STK25: variants seen among roughly 807,000 people sequenced by gnomAD.
STK25 encodes the protein serine/threonine kinase 25, also known as serine/threonine-protein kinase 25.
A neutral mutation model predicts 53.8 loss-of-function variants in STK25; 29 were observed. That is an observed-to-expected ratio of 0.54 (90% CI 0.40 to 0.74). The LOEUF is 0.74. Among genes scored for constraint, STK25 ranks in the 30% least tolerant of loss-of-function variants. The pLI, the probability that STK25 is intolerant of heterozygous loss-of-function variation, is 0.00. For missense variants in STK25, 420 were observed against 568.0 expected (o/e 0.74, Z 2.65); for synonymous variants, 247 against 238.3 (o/e 1.04, Z -0.33).
At position 241,499,276 on chromosome 2, in the gene STK25, T is replaced by C; in HGVS notation, c.566A>G (p.Gln189Arg). ...PFWMAPEVIK[Q>R]SAYDFKADIW... ...ACCCACCTTGAAGTCGTAGGCCGAC[T>C]GCTTGATGACCTCAGGTGCCATCCA... Residue 189 changes from glutamine (Q) to arginine (R), a missense_variant, in exon 6 of 12, where the codon CAG (glutamine) becomes CGG (arginine). Physicochemically the swap from Gln to Arg is conservative, Grantham distance 43. Transcript: ENST00000316586. 1 of 1,614,012 alleles carries C rather than the reference T, an allele frequency of 6.2e-7. No individual in the cohort carries two copies. The highest frequency in any genetic ancestry group is 8.5e-7 in the Non-Finnish European group (1 of 1,179,984).
intron 10 of STK25, chr2:241,497,348 T>G (rs2065235649): frequency 2.3e-6 from 1 of 432,494 alleles, no homozygotes; most frequent in Non-Finnish European, 4.2e-6. Flanking sequence ...CTTCTCTGCT[T>G]TCTCTATAGA....
At chr2:241,499,214 G>A (rs202068740) in intron 6 of STK25, 40 bp from the exon 7 acceptor site, 29 of 1,613,728 alleles carry the variant, frequency 1.8e-5, no homozygotes, top group Admixed American at 5.0e-5. Context: ...CTGAGCACCC[G>A]AGCCAGGCAT....
At position 241,499,425 on chromosome 2, in the gene STK25, C is replaced by CGGTGG; in HGVS notation, c.428-12_428-11insCCACC. On this transcript the variant is annotated splice_polypyrimidine_tract_variant and intron_variant, in intron 5 of 11. Coordinates refer to ENST00000316586, the MANE Select transcript of STK25 (RefSeq NM_001271977.2). ...GTAGCACGTTGGCAGCTGCTTGACA[C>CGGTGG]AGGACAGGCAGGCGTCATCCCAGGC... 6.2e-7 allele frequency: 1 copy of CGGTGG among 1,611,468 alleles called. No individual in the cohort carries two copies. The highest frequency in any genetic ancestry group is 8.5e-7 in the Non-Finnish European group (1 of 1,178,640).
Position 241,496,706 on chromosome 2 carries a change from C to T in STK25, c.1105-172G>A, listed in dbSNP as rs368919817. ...GAGGTGGCCCAAGGAAGCCTCTGCCCCTGCCCTGCCAACGGGGACCCTAGT... is the reference window on the plus strand; with the variant it reads ...GAGGTGGCCCAAGGAAGCCTCTGCCTCTGCCCTGCCAACGGGGACCCTAGT... On this transcript the variant is annotated intron_variant, in intron 10 of 11. Transcript: ENST00000316586. This position sits in a 1 kb window ranked among gnomAD's most constrained non-coding sequence, Gnocchi z 5.8. Among the ~76,000 whole-genome samples the T allele has an allele frequency of 1.2e-4, 18 of 152,078 alleles. No individual in the cohort carries two copies. Among genetic ancestry groups the T allele is most frequent in the Admixed American group, 7.2e-4 (11 of 15,272 alleles).
chr2:241,495,726 G>A (rs779180860), intron 11 of STK25, 25 bp from the exon 12 acceptor site: 12 of 1,613,808 alleles, frequency 7.4e-6, no homozygotes, highest in Non-Finnish European at 9.3e-6. Flanking sequence ...GCCCACTGCT[G>A]CGTGCGTGCA....
intron 6 of STK25, 24 bp downstream of exon 6, chr2:241,499,233 C>T (rs374816717): frequency 3.7e-5 from 59 of 1,613,826 alleles, no homozygotes; most frequent in Non-Finnish European, 5.0e-5. Flanking sequence ...ATGGTGCCCG[C>T]ACCTGCCCGC....
intron 7 of STK25, 36 bp from the exon 8 acceptor site, chr2:241,498,820 C>CA: frequency 1.2e-6 from 2 of 1,612,418 alleles, no homozygotes; most frequent in Non-Finnish European, 1.7e-6. Context: ...TCACTGGGCC[C>CA]AGCCAAGCTC....
Position 241,508,575 on chromosome 2 carries a change from C to G in STK25, c.-233G>C. ...AAGCAACGGTGGTGGCGGCAGCGAC[C>G]GGAGAAAGCCCGGAGGCGACGGCGA... is the stretch of plus-strand genomic sequence containing the variant. On this transcript the variant is annotated 5_prime_UTR_variant, in exon 1 of 12. Coordinates refer to ENST00000316586, the MANE Select transcript of STK25 (RefSeq NM_001271977.2). The G allele has an allele frequency of 4.0e-6, 4 of 990,816 alleles. No homozygotes were observed. The highest frequency in any genetic ancestry group is 4.8e-6 in the Non-Finnish European group (4 of 833,124). The allele number at this position is 990,816 out of a possible 1,614,324, so 61.4% of individuals were successfully genotyped here.
Position 241,503,878 on chromosome 2 carries a change from T to C in STK25, c.31-2170A>G, listed in dbSNP as rs34858765. Among the ~76,000 whole-genome samples the C allele has an allele frequency of 3.3e-3, 507 of 152,024 alleles. 1 individual carries two copies. The highest frequency in any genetic ancestry group is 0.012 in the African/African-American group (492 of 41,448). ...CACACTCACCCCCTGGACACCTGTG[T>C]GCTGGGTCCACCCCAGGCCTAAGCC... On this transcript the variant is annotated intron_variant, in intron 2 of 11. Coordinates refer to ENST00000316586, the MANE Select transcript of STK25 (RefSeq NM_001271977.2).
chr2:241,500,661 G>A lies in STK25; in HGVS notation c.318+79C>T, dbSNP rs2065454165. ...CGTGCCATGACACCAAACGAGAGGT[G>A]GCCCCTGGAGCCCATGAGTCTGAGG... On this transcript the variant is annotated intron_variant, in intron 4 of 11. Coordinates refer to ENST00000316586, the MANE Select transcript of STK25 (RefSeq NM_001271977.2). 3.0e-5 allele frequency: 43 copies of A among 1,411,894 alleles called. No homozygotes were observed. In the South Asian group the frequency reaches 5.0e-4, roughly 16 times the overall value. The allele number at this position is 1,411,894 out of a possible 1,614,324, so 87.5% of individuals were successfully genotyped here.
At chr2:241,508,382 G>T in intron 1 of STK25, 61 bp downstream of exon 1, 1 of 446,046 alleles carries the variant, frequency 2.2e-6, no homozygotes, top group Non-Finnish European at 3.2e-6. Context: ...GCCCCGCCCC[G>T]GGCCCCTCCC....
rs1344174430 is a variant in STK25 at position 241,493,016 on chromosome 2, T to G, written c.*2646A>C. On this transcript the variant is annotated 3_prime_UTR_variant, in exon 12 of 12. Transcript: ENST00000316586. ...GGTCGTCTTTACCAACTTCTGTTTGTTCTTCTACAAAACTCATCAGGTACT... is the reference window on the plus strand; with the variant it reads ...GGTCGTCTTTACCAACTTCTGTTTGGTCTTCTACAAAACTCATCAGGTACT... 2 of 1,603,906 alleles carry G rather than the reference T, an allele frequency of 1.2e-6. No homozygotes were observed. The highest frequency in any genetic ancestry group is 4.5e-5 in the East Asian group (2 of 44,868).
At chr2:241,506,053 T>C (rs1181167731) in intron 2 of STK25, among the ~76,000 whole-genome samples, 1 of 152,222 alleles carries the variant, frequency 6.6e-6, no homozygotes, top group Admixed American at 6.5e-5. Flanking sequence ...TGAGTGGTGA[T>C]ACAGTGCTCT....
chr2:241,498,706 T>C lies in STK25; in HGVS notation c.850A>G (p.Ile284Val). The C allele has an allele frequency of 5.6e-6, 9 of 1,614,106 alleles. No homozygotes were observed. The highest frequency in any genetic ancestry group is 7.6e-6 in the Non-Finnish European group (9 of 1,179,998). Residue 284 changes from isoleucine (I) to valine (V), a missense_variant, in exon 8 of 12, where the codon ATC becomes GTC. Ile to Val is a conservative substitution (Grantham distance 29). Coordinates refer to ENST00000316586, the MANE Select transcript of STK25 (RefSeq NM_001271977.2). ...TKKTSFLTEL[I>V]DRYKRWKSEG... Reference sequence around the variant, plus strand: ...GACTTCCAGCGCTTATAGCGGTCGATGAGCTCCGTGAGGAAGGAGGTCTTC... The same window carrying C: ...GACTTCCAGCGCTTATAGCGGTCGACGAGCTCCGTGAGGAAGGAGGTCTTC...
In STK25 at chr2:241,501,806, G is replaced by T; in HGVS notation, c.31-98C>A. 1.2e-6 allele frequency: 1 copy of T among 817,466 alleles called. No homozygotes were observed. 50.6% of individuals were successfully genotyped at this position (817,466 alleles called of 1,614,324 possible). On this transcript the variant is annotated intron_variant, in intron 2 of 11. Coordinates refer to ENST00000316586, the MANE Select transcript of STK25 (RefSeq NM_001271977.2). The surrounding 1 kb of genome is among the most constrained non-coding windows in gnomAD (Gnocchi z 5.3). ...CTGCTGGGGAGGAAGGGACCTGTAGGGAAGGGGGAGTCCAAGGGAGCGCAC... is the reference window on the plus strand; with the variant it reads ...CTGCTGGGGAGGAAGGGACCTGTAGTGAAGGGGGAGTCCAAGGGAGCGCAC...
intron 9 of STK25, among the ~76,000 whole-genome samples, 162 bp from the exon 10 acceptor site, chr2:241,497,849 G>GCCTGACTCTGAGGGCGACTCCCACCCTCT (rs1382441289): frequency 2.0e-5 from 3 of 151,894 alleles, no homozygotes; most frequent in African/African-American, 4.8e-5. Flanking sequence ...CACCCGGATG[G>GCCTGACTCTGAGGGCGACTCCCACCCTCT]CCTGACTCTG....
rs957038631 is a variant in STK25 at position 241,494,264 on chromosome 2, C to T, written c.*1398G>A. ...CACTGGCACCAGCAGTGTGGGTGGGCCTCATGTAACATCTGGGAGGGGCTT... is the reference window on the plus strand; with the variant it reads ...CACTGGCACCAGCAGTGTGGGTGGGTCTCATGTAACATCTGGGAGGGGCTT... On this transcript the variant is annotated 3_prime_UTR_variant, in exon 12 of 12. Coordinates refer to ENST00000316586, the MANE Select transcript of STK25 (RefSeq NM_001271977.2). This position sits in a 1 kb window ranked among gnomAD's most constrained non-coding sequence, Gnocchi z 4.9. 2 of 452,990 alleles carry T rather than the reference C, an allele frequency of 4.4e-6. No homozygotes were observed. The highest frequency in any genetic ancestry group is 4.0e-5 in the African/African-American group (2 of 49,412). 28.1% of individuals were successfully genotyped at this position (452,990 alleles called of 1,614,324 possible). A position where few individuals can be genotyped will look rare whatever the true frequency, so the allele number is the denominator to read the frequency against.
In STK25 at chr2:241,493,696, G is replaced by A. The variant is rs1314126138; in HGVS notation, c.*1966C>T. 1.1e-5 allele frequency: 6 copies of A among 535,202 alleles called. No homozygotes were observed. Among genetic ancestry groups the A allele is most frequent in the South Asian group, 2.4e-5 (1 of 40,822 alleles). 33.2% of individuals were successfully genotyped at this position (535,202 alleles called of 1,614,324 possible). A position where few individuals can be genotyped will look rare whatever the true frequency, so the allele number is the denominator to read the frequency against. ...TATAACCTGCACCTCCAGGGTTCAA[G>A]CGATTCTTCTGCCTCAGCCTCCTGA... is the stretch of plus-strand genomic sequence containing the variant. On this transcript the variant is annotated 3_prime_UTR_variant, in exon 12 of 12. Transcript: ENST00000316586.
chr2:241,506,007 C>G (rs1264883433), intron 2 of STK25, among the ~76,000 whole-genome samples: 1 of 152,180 alleles, frequency 6.6e-6, no homozygotes, highest in Non-Finnish European at 1.5e-5. Flanking sequence ...TCAGTGTTGC[C>G]CCACAAAACA....
Sources: allele counts gnomAD v4.1 joint callset (sites outside exome capture counted in the v4.1 genomes callset), GRCh38; gene constraint gnomAD v4.1.1; non-coding constraint Gnocchi (gnomAD v3.1); transcripts MANE v1.5; gene names NCBI Gene and HGNC (gene_info 2026-07-23, HGNC 2026-07-21).